CHST3: variants seen among roughly 807,000 people sequenced by gnomAD.
The protein encoded by CHST3 is carbohydrate sulfotransferase 3.
A neutral mutation model predicts 35.4 loss-of-function variants in CHST3; 20 were observed. That is an observed-to-expected ratio of 0.57 (90% CI 0.40 to 0.82). The LOEUF is 0.82. Ranked by LOEUF, CHST3 falls within the 40% of genes least tolerant of loss-of-function variation. CHST3 has a pLI of 0.00. For missense variants in CHST3, 693 were observed against 670.1 expected (o/e 1.03, Z -0.38); for synonymous variants, 334 against 295.9 (o/e 1.13, Z -1.32).
intron 1 of CHST3, among the ~76,000 whole-genome samples, chr10:71,980,512 A>G (rs1839789861): frequency 6.6e-6 from 1 of 152,266 alleles, no homozygotes; most frequent in African/African-American, 2.4e-5. Context: ...CTGCAGTTTG[A>G]GAAATGTCAC....
At position 72,008,478 on chromosome 10, in the gene CHST3, C is replaced by T. The variant is rs202242499; in HGVS notation, c.*7C>T. 1,507 of 1,522,484 alleles carry T rather than the reference C, an allele frequency of 9.9e-4. 28 individuals carry two copies. In the East Asian group the frequency reaches 0.028, roughly 28 times the overall value. 94.3% of individuals were successfully genotyped at this position (1,522,484 alleles called of 1,614,324 possible). On this transcript the variant is annotated 3_prime_UTR_variant, in exon 3 of 3. Coordinates refer to ENST00000373115, the MANE Select transcript of CHST3 (RefSeq NM_004273.5). Reference sequence around the variant, plus strand: ...CACCTTCTGGGTCACGTAGGGGGGCCGGGGCCCCGTATGCCCCTCCTCGTG... The same window carrying T: ...CACCTTCTGGGTCACGTAGGGGGGCTGGGGCCCCGTATGCCCCTCCTCGTG...
intron 1 of CHST3, among the ~76,000 whole-genome samples, chr10:71,991,811 G>A (rs1339954202): frequency 1.3e-5 from 2 of 152,026 alleles, no homozygotes; most frequent in Non-Finnish European, 2.9e-5. Flanking sequence ...GCAGGCACCT[G>A]TAATCCCAGC....
intron 1 of CHST3, among the ~76,000 whole-genome samples, chr10:71,972,482 A>G (rs1230297957): frequency 6.6e-6 from 1 of 152,016 alleles, no homozygotes; most frequent in African/African-American, 2.4e-5. Context: ...GGCATTTTGG[A>G]TCCTGCCTCA....
chr10:71,966,241 G>A (rs1839631187), intron 1 of CHST3, among the ~76,000 whole-genome samples: 1 of 152,148 alleles, frequency 6.6e-6, no homozygotes. Flanking sequence ...GGCCTGGCTG[G>A]AGATGGGTCT....
intron 1 of CHST3, among the ~76,000 whole-genome samples, chr10:71,992,491 T>C (rs1839905738): frequency 6.6e-6 from 1 of 151,990 alleles, no homozygotes; most frequent in African/African-American, 2.4e-5. Flanking sequence ...CACAATTTCT[T>C]AAAATAACAC....
chr10:71,965,282 G>A (rs1237044328), intron 1 of CHST3, among the ~76,000 whole-genome samples: 1 of 152,192 alleles, frequency 6.6e-6, no homozygotes, highest in Non-Finnish European at 1.5e-5. Flanking sequence ...CCTTCCGGAG[G>A]CGAGGCCCGG....
At chr10:71,984,110 C>T (rs1469327940) in intron 1 of CHST3, among the ~76,000 whole-genome samples, 2 of 152,244 alleles carry the variant, frequency 1.3e-5, no homozygotes, top group African/African-American at 2.4e-5. Flanking sequence ...ACAGCCTCCG[C>T]CTCCCAGGTT....
intron 1 of CHST3, among the ~76,000 whole-genome samples, chr10:71,996,892 G>GGGTT: frequency 6.6e-6 from 1 of 152,080 alleles, no homozygotes; most frequent in East Asian, 1.9e-4. Context: ...GTATTTTCCT[G>GGGTT]GGTTGGTTGG....
chr10:72,008,175 G>T lies in CHST3; in HGVS notation c.1144G>T (p.Ala382Ser). The T allele has an allele frequency of 6.5e-7, 1 of 1,549,158 alleles. No individual in the cohort carries two copies. Residue 382 changes from alanine to serine, a missense_variant, in exon 3 of 3, where the codon GCC becomes TCC. Transcript: ENST00000373115. ...CGTGGCACGCGGGCCGCTGCAGAAG[G>T]CCCGCGAGATGTACCGCTTCGCCGG... ...EDVARGPLQK[A>S]REMYRFAGIP...
intron 1 of CHST3, among the ~76,000 whole-genome samples, chr10:71,995,414 T>C (rs1382057618): frequency 8.6e-6 from 1 of 116,074 alleles, no homozygotes; most frequent in Non-Finnish European, 1.8e-5. Flanking sequence ...AGAGCGAGAG[T>C]CTGTCTCAAA....
intron 1 of CHST3, among the ~76,000 whole-genome samples, chr10:71,980,006 C>T (rs532028234): frequency 6.6e-6 from 1 of 152,302 alleles, no homozygotes; most frequent in Non-Finnish European, 1.5e-5. Flanking sequence ...CAGTCCTTCC[C>T]TTCTGTCCGC....
intron 1 of CHST3, among the ~76,000 whole-genome samples, chr10:71,966,360 G>C (rs914130878): frequency 1.3e-5 from 2 of 152,102 alleles, no homozygotes; most frequent in Admixed American, 1.3e-4. Flanking sequence ...GGGTTCTCCT[G>C]TGCCAGCTTG....
chr10:72,010,442 G>C lies in CHST3; in HGVS notation c.*1971G>C, dbSNP rs1343623282. ...CTGAGTCCAACATTGCCATGGGGGA[G>C]GGAAGAGTGTGTCCTGGCAGGAAGC... is the stretch of plus-strand genomic sequence containing the variant. On this transcript the variant is annotated 3_prime_UTR_variant, in exon 3 of 3. Transcript: ENST00000373115. The C allele has an allele frequency of 6.6e-6, 1 of 152,126 alleles. No individual in the cohort carries two copies. The highest frequency in any genetic ancestry group is 6.5e-5 in the Admixed American group (1 of 15,288). The allele number at this position is 152,126 out of a possible 1,614,324, so 9.4% of individuals were successfully genotyped here. A position where few individuals can be genotyped will look rare whatever the true frequency, so the allele number is the denominator to read the frequency against.
In CHST3 at chr10:72,008,084, C is replaced by T. The variant is rs1341613061; in HGVS notation, c.1053C>T (p.Ser351=). The part of the protein sequence containing the change: ...LRGNCESIRL[S]AELGLRQPAW... ...GCAACTGCGAGAGCATCCGCCTGTC[C>T]GCGGAGCTGGGGCTGCGGCAGCCCG... Residue 351 remains serine (S), a synonymous_variant, in exon 3 of 3, where the codon TCC becomes TCT. Coordinates refer to ENST00000373115, the MANE Select transcript of CHST3 (RefSeq NM_004273.5). 3 of 1,545,496 alleles carry T rather than the reference C, an allele frequency of 1.9e-6. No homozygotes were observed. The highest frequency in any genetic ancestry group is 2.4e-5 in the East Asian group (1 of 40,818).
chr10:71,994,051 G>A (rs900163009), intron 1 of CHST3, among the ~76,000 whole-genome samples: 19 of 151,990 alleles, frequency 1.3e-4, no homozygotes, highest in Admixed American at 7.9e-4. Flanking sequence ...AGTGAGCCGA[G>A]ATCACGCCAC....
At chr10:72,006,915 C>G (rs954167267) in intron 2 of CHST3, among the ~76,000 whole-genome samples, 7 of 152,226 alleles carry the variant, frequency 4.6e-5, no homozygotes, top group African/African-American at 1.7e-4. Context: ...CAGACTAAGC[C>G]TCCGATGCCC....
chr10:72,005,518 A>G (rs1720565355), intron 1 of CHST3, among the ~76,000 whole-genome samples: 1 of 152,132 alleles, frequency 6.6e-6, no homozygotes, highest in African/African-American at 2.4e-5. Flanking sequence ...CAAGGGAGAA[A>G]CTGATGGAGG....
rs187078225 is a variant in CHST3, at chr10:72,011,031, T to C, written c.*2560T>C. 1 of 152,342 alleles carries C rather than the reference T, an allele frequency of 6.6e-6. No individual in the cohort carries two copies. Among genetic ancestry groups the C allele is most frequent in the East Asian group, 1.9e-4 (1 of 5,192 alleles). The allele number at this position is 152,342 out of a possible 1,614,324, so 9.4% of individuals were successfully genotyped here. A position where few individuals can be genotyped will look rare whatever the true frequency, so the allele number is the denominator to read the frequency against. ...CAGGTTGACTTAATTTATTTATTTT[T>C]TGAAAAGAAGAGACAGAAAATACCT... On this transcript the variant is annotated 3_prime_UTR_variant, in exon 3 of 3. Coordinates refer to ENST00000373115, the MANE Select transcript of CHST3 (RefSeq NM_004273.5).
At position 72,008,597 on chromosome 10, in the gene CHST3, A is replaced by G. The variant is rs1840074967; in HGVS notation, c.*126A>G. The stretch of plus-strand genomic sequence containing the variant: ...CGCCTCCTGTAGCAGTAGGGCCCCC[A>G]GCCAGCGCTCCAGCCAAAGCGGCGG... On this transcript the variant is annotated 3_prime_UTR_variant, in exon 3 of 3. Coordinates refer to ENST00000373115, the MANE Select transcript of CHST3 (RefSeq NM_004273.5). The G allele has an allele frequency of 7.0e-7, 1 of 1,430,932 alleles. No individual in the cohort carries two copies. The highest frequency in any genetic ancestry group is 9.1e-7 in the Non-Finnish European group (1 of 1,095,996). 88.6% of individuals were successfully genotyped at this position (1,430,932 alleles called of 1,614,324 possible).
Sources: gnomAD v4.1 joint callset for allele counts (sites outside exome capture counted in the v4.1 genomes callset) on GRCh38, gnomAD v4.1.1 for gene constraint, MANE v1.5 for transcripts, NCBI Gene and HGNC (gene_info 2026-07-23, HGNC 2026-07-21) for gene names.